CYBRD1: variants seen among roughly 807,000 people sequenced by gnomAD.
CYBRD1 encodes the protein cytochrome b reductase 1.
A neutral mutation model predicts 21.9 loss-of-function variants in CYBRD1; 14 were observed. The observed-to-expected ratio is 0.64, with a 90% CI of 0.42 to 1.00. The LOEUF is 1.00. Ranked by LOEUF, CYBRD1 falls within the 50% of genes least tolerant of loss-of-function variation. The probability of loss-of-function intolerance (pLI) is 0.00; values close to 1 mark genes in which losing one functional copy is unlikely to be tolerated. For synonymous variants in CYBRD1, 146 were observed against 136.5 expected (o/e 1.07, Z -0.48); for missense variants, 328 against 352.5 (o/e 0.93, Z 0.56).
In CYBRD1 at chr2:171,527,763, G is replaced by A. The variant is rs140879947; in HGVS notation, c.193+5025G>A. ...ACATGTTATAATTTCTATCATCTTC[G>A]AAAACAAAACAAAGCAAAACAAAAC... On this transcript the variant is annotated intron_variant, in intron 1 of 3. Transcript: ENST00000321348. 3.3e-3 allele frequency among the ~76,000 whole-genome samples: 504 copies of A among 151,948 alleles called. 4 individuals carry two copies. The highest frequency in any genetic ancestry group is 0.012 in the African/African-American group (491 of 41,406).
intron 1 of CYBRD1, chr2:171,523,026 G>A (rs1697332113): frequency 6.4e-6 from 3 of 465,340 alleles, no homozygotes; most frequent in Non-Finnish European, 3.9e-6. Flanking sequence ...GCCCCACTTG[G>A]TTAACTCTTT....
Position 171,558,001 on chromosome 2 carries a change from CTA to C in CYBRD1, c.*3176_*3177del, listed in dbSNP as rs1683518042. On this transcript the variant is annotated 3_prime_UTR_variant, in exon 4 of 4. Coordinates refer to ENST00000321348, the MANE Select transcript of CYBRD1 (RefSeq NM_024843.4). ...CGAAAACCTTAAGTGAAAAAGATTT[CTA>C]TCTTTTTATCTTAGCGCATTTATGG... The C allele has an allele frequency of 6.6e-6, 1 of 151,944 alleles. No individual in the cohort carries two copies. Among genetic ancestry groups the C allele is most frequent in the Admixed American group, 6.6e-5 (1 of 15,232 alleles). 9.4% of individuals were successfully genotyped at this position (151,944 alleles called of 1,614,324 possible).
intron 2 of CYBRD1, among the ~76,000 whole-genome samples, chr2:171,544,470 T>C (rs1190516569): frequency 6.6e-6 from 1 of 152,244 alleles, no homozygotes; most frequent in African/African-American, 2.4e-5. Flanking sequence ...TTATGCTTTC[T>C]ACTAAGAGCA....
chr2:171,550,670 A>G (rs954686202), intron 2 of CYBRD1, among the ~76,000 whole-genome samples: 2 of 152,092 alleles, frequency 1.3e-5, no homozygotes, highest in African/African-American at 4.8e-5. Context: ...TTGTTGCAAA[A>G]AATGTTTAAT....
chr2:171,535,205 G>C (rs1374425567), intron 1 of CYBRD1, among the ~76,000 whole-genome samples: 1 of 152,138 alleles, frequency 6.6e-6, no homozygotes, highest in Non-Finnish European at 1.5e-5. Flanking sequence ...GAGAGACCCA[G>C]GGACTCTCAA....
intron 1 of CYBRD1, among the ~76,000 whole-genome samples, chr2:171,536,246 C>T (rs767863814): frequency 6.7e-6 from 1 of 148,366 alleles, no homozygotes; most frequent in Non-Finnish European, 1.5e-5. Flanking sequence ...TCAAGCGATT[C>T]TCTTGCCTCG....
In CYBRD1 at chr2:171,538,797, G is replaced by A. The variant is rs117954187; in HGVS notation, c.194-2788G>A. Among the ~76,000 whole-genome samples the A allele has an allele frequency of 2.8e-3, 418 of 149,452 alleles. 17 individuals carry two copies. In the East Asian group the frequency reaches 0.069, roughly 25 times the overall value. The stretch of plus-strand genomic sequence containing the variant: ...TTATAATCCTATGAAGTTCTTGGGT[G>A]TTTGTTTGTTTGTTTTTTGAGACAG... On this transcript the variant is annotated intron_variant, in intron 1 of 3. Transcript: ENST00000321348.
rs1697325628 is a variant in CYBRD1, at chr2:171,522,670, G to C, written c.125G>C (p.Gly42Ala). 1 of 1,613,440 alleles carries C rather than the reference G, an allele frequency of 6.2e-7. No homozygotes were observed. The highest frequency in any genetic ancestry group is 8.5e-7 in the Non-Finnish European group (1 of 1,179,930). Residue 42 changes from glycine (G) to alanine (A), a missense_variant, in exon 1 of 4, where the codon GGG becomes GCG. Coordinates refer to ENST00000321348, the MANE Select transcript of CYBRD1 (RefSeq NM_024843.4). This position sits in a 1 kb window ranked among gnomAD's most constrained non-coding sequence, Gnocchi z 4.3. ...TACCGAGAGGGGCTTGGCTGGGATGGGAGCGCACTAGAGTTTAACTGGCAC... is the reference window on the plus strand; with the variant it reads ...TACCGAGAGGGGCTTGGCTGGGATGCGAGCGCACTAGAGTTTAACTGGCAC... ...LHYREGLGWD[G>A]SALEFNWHPV... is the part of the protein sequence containing the mutation.
chr2:171,522,370 TC>T (rs1414809093), upstream of CYBRD1: 25 of 1,497,596 alleles, frequency 1.7e-5, no homozygotes, highest in Admixed American at 4.7e-5. The surrounding 1 kb of genome is among the most constrained non-coding windows in gnomAD (Gnocchi z 4.3). Context: ...TGGGGCCAGC[TC>T]CCCACCCCCA....
intron 3 of CYBRD1, 97 bp downstream of exon 3, chr2:171,553,597 T>C: frequency 9.0e-7 from 1 of 1,106,172 alleles, no homozygotes; most frequent in Non-Finnish European, 1.2e-6. Flanking sequence ...CAAAATTTTT[T>C]AGATATTAAA....
At chr2:171,526,267 G>GA (rs201655626) in intron 1 of CYBRD1, among the ~76,000 whole-genome samples, 5,841 of 150,178 alleles carry the variant, frequency 0.039, 359 homozygotes, top group African/African-American at 0.13. Context: ...ATTCTGTCTC[G>GA]AAAAAAAAAG....
chr2:171,540,260 A>G (rs1317019375), intron 1 of CYBRD1, among the ~76,000 whole-genome samples: 1 of 152,176 alleles, frequency 6.6e-6, no homozygotes, highest in African/African-American at 2.4e-5. Context: ...TATAAATTGA[A>G]TTACACTATA....
Position 171,554,699 on chromosome 2 carries a change from G to A in CYBRD1, c.733G>A (p.Ala245Thr), listed in dbSNP as rs1375732553. ...TCCAAATGGAGGCACTGAACAGGGA[G>A]CAAGAGGTTCCATGCCAGCCTACTC... ...LHPNGGTEQG[A>T]RGSMPAYSGN... Residue 245 changes from alanine to threonine, a missense_variant, in exon 4 of 4, where the codon GCA (alanine) becomes ACA (threonine). Physicochemically the swap from Ala to Thr is moderately conservative, Grantham distance 58. Coordinates refer to ENST00000321348, the MANE Select transcript of CYBRD1 (RefSeq NM_024843.4). The A allele has an allele frequency of 6.2e-7, 1 of 1,614,054 alleles. No homozygotes were observed. The highest frequency in any genetic ancestry group is 2.2e-5 in the East Asian group (1 of 44,874).
intron 1 of CYBRD1, among the ~76,000 whole-genome samples, chr2:171,531,548 A>G (rs534611425): frequency 4.6e-5 from 7 of 152,090 alleles, no homozygotes; most frequent in Admixed American, 1.3e-4. Context: ...CCCGGGCCCA[A>G]GTGATTCTTC....
At chr2:171,539,131 T>C (rs548523906) in intron 1 of CYBRD1, among the ~76,000 whole-genome samples, 64 of 152,250 alleles carry the variant, frequency 4.2e-4, no homozygotes, top group African/African-American at 1.4e-3. Context: ...AAGTTTTATA[T>C]ATTAAAATTA....
chr2:171,537,942 T>G, intron 1 of CYBRD1, among the ~76,000 whole-genome samples: 1 of 152,300 alleles, frequency 6.6e-6, no homozygotes. Context: ...TTTGAAACAT[T>G]ACTATGTACC....
chr2:171,523,202 C>T lies in CYBRD1; in HGVS notation c.193+464C>T, dbSNP rs566190939. On this transcript the variant is annotated intron_variant, in intron 1 of 3. Coordinates refer to ENST00000321348, the MANE Select transcript of CYBRD1 (RefSeq NM_024843.4). ...ATCGGGGGCGCGGAAACACTTTCGC[C>T]TCAGCCTTTTGCTGAACTTGCTTCC... The T allele has an allele frequency of 4.2e-4, 155 of 366,614 alleles. 2 individuals carry two copies. Among genetic ancestry groups the T allele is most frequent in the South Asian group, 3.2e-3 (151 of 47,244 alleles). 22.7% of individuals were successfully genotyped at this position (366,614 alleles called of 1,614,324 possible). A position where few individuals can be genotyped will look rare whatever the true frequency, so the allele number is the denominator to read the frequency against.
intron 1 of CYBRD1, among the ~76,000 whole-genome samples, chr2:171,533,618 G>C (rs1697502512): frequency 6.6e-6 from 1 of 152,154 alleles, no homozygotes; most frequent in Admixed American, 6.5e-5. Flanking sequence ...AGACAAACTT[G>C]TGTATATAAA....
intron 1 of CYBRD1, among the ~76,000 whole-genome samples, chr2:171,536,411 C>T (rs932162424): frequency 3.9e-5 from 6 of 152,044 alleles, no homozygotes; most frequent in African/African-American, 1.4e-4. Context: ...TTCAAGCGAT[C>T]CTCCTGCCTC....
Sources: gnomAD v4.1 joint callset for allele counts (sites outside exome capture counted in the v4.1 genomes callset) on GRCh38, gnomAD v4.1.1 for gene constraint, Gnocchi (gnomAD v3.1) non-coding constraint, MANE v1.5 for transcripts, NCBI Gene and HGNC (gene_info 2026-07-23, HGNC 2026-07-21) for gene names.